Variants in PVT1 observed in about 807,000 individuals in gnomAD.
PVT1 encodes CXCR4/PVT1 fusion.
intron 4 of PVT1, among the ~76,000 whole-genome samples, chr8:128,061,316 T>G (rs1016422884): frequency 5.9e-5 from 9 of 152,246 alleles, no homozygotes; most frequent in African/African-American, 1.9e-4. Flanking sequence ...TCATCTAAGT[T>G]ACAACATATA....
chr8:127,978,755 G>T (rs1816850730), intron 3 of PVT1, among the ~76,000 whole-genome samples: 1 of 152,100 alleles, frequency 6.6e-6, no homozygotes, highest in African/African-American at 2.4e-5. Flanking sequence ...CAAAGTGCTG[G>T]GATTACAGGT....
intron 4 of PVT1, among the ~76,000 whole-genome samples, chr8:128,052,551 A>G (rs1396610860): frequency 6.6e-6 from 1 of 152,206 alleles, no homozygotes; most frequent in Admixed American, 6.5e-5. Context: ...TGCTGTTTCT[A>G]TGAAGGGATA....
chr8:127,849,599 G>T (rs1464209350), intron 2 of PVT1, among the ~76,000 whole-genome samples: 1 of 152,232 alleles, frequency 6.6e-6, no homozygotes, highest in Non-Finnish European at 1.5e-5. Flanking sequence ...AATAAGAAAA[G>T]AGAAAGACTG....
Position 127,849,886 on chromosome 8 carries a change from AGCC to A in PVT1, n.373-40702_373-40700del, listed in dbSNP as rs1563621275. ...CCTGCGTGCACGTGCGTGGGTGCACAGCCTGTACATATGTGTGTGTGTGCTCCT... is the reference window on the plus strand; with the variant it reads ...CCTGCGTGCACGTGCGTGGGTGCACATGTACATATGTGTGTGTGTGCTCCT... On this transcript the variant is annotated intron_variant and non_coding_transcript_variant, in intron 2 of 10. Coordinates refer to ENST00000651587, the Ensembl canonical transcript of PVT1. Among the ~76,000 whole-genome samples the A allele has an allele frequency of 2.0e-4, 28 of 140,954 alleles. 1 individual carries two copies. The highest frequency in any genetic ancestry group is 2.8e-4 in the Admixed American group (4 of 14,182). 92.5% of individuals were successfully genotyped at this position (140,954 alleles called of 152,430 possible).
At chr8:128,054,905 A>G (rs1813745410) in intron 4 of PVT1, among the ~76,000 whole-genome samples, 1 of 152,220 alleles carries the variant, frequency 6.6e-6, no homozygotes, top group South Asian at 2.1e-4. Context: ...GAATCAGCAG[A>G]CGTTGAGTAG....
chr8:127,905,851 C>A (rs933895859), intron 3 of PVT1, among the ~76,000 whole-genome samples: 6 of 152,238 alleles, frequency 3.9e-5, no homozygotes, highest in Admixed American at 2.6e-4. Flanking sequence ...GGGGCCTGAG[C>A]TGGCTGGCCT....
Position 127,964,370 on chromosome 8 carries a change from C to T in PVT1, n.783-24792C>T, listed in dbSNP as rs1040682766. ...GCTTGGCGGATACAGCAGCGACCAA[C>T]CGAAGCCACCAGTGGGAGCAGAACT... On this transcript the variant is annotated intron_variant and non_coding_transcript_variant, in intron 3 of 10. Coordinates refer to ENST00000651587, the Ensembl canonical transcript of PVT1. 2.0e-5 allele frequency among the ~76,000 whole-genome samples: 3 copies of T among 152,200 alleles called. No homozygotes were observed. The South Asian group carries it at 6.2e-4, about 31-fold the overall frequency.
At chr8:127,892,254 T>C (rs1476709324) in intron 3 of PVT1, among the ~76,000 whole-genome samples, 1 of 152,222 alleles carries the variant, frequency 6.6e-6, no homozygotes, top group African/African-American at 2.4e-5. Context: ...GTTCTAATTG[T>C]ATATTCATAT....
chr8:127,862,617 C>A (rs1217636990), intron 2 of PVT1, among the ~76,000 whole-genome samples: 3 of 152,060 alleles, frequency 2.0e-5, no homozygotes, highest in Non-Finnish European at 4.4e-5. Flanking sequence ...CACATGAGGT[C>A]TCACTATGTT....
intron 2 of PVT1, among the ~76,000 whole-genome samples, chr8:127,799,696 AGAT>A (rs1389965007): frequency 6.6e-6 from 1 of 152,186 alleles, no homozygotes; most frequent in African/African-American, 2.4e-5. Flanking sequence ...ATGACGAAAG[AGAT>A]GATGAACAGA....
At chr8:127,871,646 C>T (rs1417467371) in intron 2 of PVT1, among the ~76,000 whole-genome samples, 1 of 152,152 alleles carries the variant, frequency 6.6e-6, no homozygotes, top group Non-Finnish European at 1.5e-5. Context: ...TGTTTTTTGA[C>T]CCATATCCAG....
chr8:127,860,327 A>C (rs1287097091), intron 2 of PVT1, among the ~76,000 whole-genome samples: 1 of 152,218 alleles, frequency 6.6e-6, no homozygotes, highest in Non-Finnish European at 1.5e-5. Flanking sequence ...GTCTTCTCGA[A>C]GGCATCTTCA....
intron 2 of PVT1, among the ~76,000 whole-genome samples, chr8:127,827,553 G>A (rs1814804493): frequency 6.6e-6 from 1 of 152,128 alleles, no homozygotes; most frequent in African/African-American, 2.4e-5. Flanking sequence ...CAGCACAGAA[G>A]GGAGAATCTG....
intron 3 of PVT1, among the ~76,000 whole-genome samples, chr8:127,896,778 C>CG (rs917730889): frequency 7.7e-6 from 1 of 130,668 alleles, no homozygotes; most frequent in Non-Finnish European, 1.6e-5. Context: ...CTTTCCTCCC[C>CG]CCCCCCGCCC....
At chr8:127,897,862 GGAAGAAAGGAAA>G (rs1815703341) in intron 3 of PVT1, among the ~76,000 whole-genome samples, 1 of 101,926 alleles carries the variant, frequency 9.8e-6, no homozygotes, top group Non-Finnish European at 2.0e-5. Context: ...AAGACAGGAA[GGAAGAAAGGAAA>G]GAAAGAAAGA....
At chr8:128,067,186 C>T (rs1303322466) in intron 4 of PVT1, among the ~76,000 whole-genome samples, 1 of 152,178 alleles carries the variant, frequency 6.6e-6, no homozygotes, top group East Asian at 1.9e-4. Flanking sequence ...ATGTTGAAGT[C>T]TCGACTCCCT....
intron 3 of PVT1, among the ~76,000 whole-genome samples, chr8:127,963,581 AC>A (rs1816671020): frequency 6.9e-6 from 1 of 143,984 alleles, no homozygotes; most frequent in Non-Finnish European, 1.5e-5. Context: ...ACCCCCCTCC[AC>A]CCTTTTTTTG....
At chr8:127,927,834 AGCAGTTTGAAGAATG>A (rs1816150179) in intron 3 of PVT1, among the ~76,000 whole-genome samples, 1 of 152,242 alleles carries the variant, frequency 6.6e-6, no homozygotes, top group Non-Finnish European at 1.5e-5. Context: ...TGAATTCACG[AGCAGTTTGAAGAATG>A]AGCAAATACT....
chr8:127,831,149 C>CTATA (rs1481718485), intron 2 of PVT1, among the ~76,000 whole-genome samples: 29 of 145,630 alleles, frequency 2.0e-4, no homozygotes, highest in African/African-American at 7.8e-4. Context: ...ATCTCTCTCT[C>CTATA]TCTCTCTATA....
Sources: gnomAD v4.1 joint callset for allele counts (sites outside exome capture counted in the v4.1 genomes callset) on GRCh38, gnomAD v4.1.1 for gene constraint, MANE v1.5 for transcripts, NCBI Gene and HGNC (gene_info 2026-07-23, HGNC 2026-07-21) for gene names.